Variants in TAF2 observed in about 807,000 individuals in gnomAD.
TAF2 encodes the protein TATA-box binding protein associated factor 2.
Under a neutral mutation model 138.5 loss-of-function variants are expected in TAF2, and 61 were observed. The observed-to-expected ratio is 0.44, with a 90% CI of 0.36 to 0.54. The LOEUF (loss-of-function observed/expected upper bound fraction) is 0.54, where lower values mean the gene tolerates loss of function less well. Ranked by LOEUF, TAF2 falls within the 20% of genes least tolerant of loss-of-function variation. The pLI, the probability that TAF2 is intolerant of heterozygous loss-of-function variation, is 0.00. For synonymous variants in TAF2, 475 were observed against 469.9 expected, an observed-to-expected ratio of 1.01 and a Z score of -0.14; for missense variants, 1,090 against 1,427.9, an observed-to-expected ratio of 0.76 and a Z score of 3.81.
chr8:119,825,914 G>T (rs1393257863), intron 2 of TAF2, among the ~76,000 whole-genome samples: 2 of 150,280 alleles, frequency 1.3e-5, no homozygotes, highest in Non-Finnish European at 3.0e-5. Flanking sequence ...GGATGGTCTC[G>T]ATCTCCTGAC....
chr8:119,801,714 C>T lies in TAF2; in HGVS notation c.792+80G>A. The T allele has an allele frequency of 2.2e-6, 3 of 1,381,206 alleles. No homozygotes were observed. The South Asian group carries it at 3.5e-5, about 16-fold the overall frequency. 85.6% of individuals were successfully genotyped at this position (1,381,206 alleles called of 1,614,324 possible). ...AAGTGCTGGGATTACAGGCATGAGC[C>T]ACCGTGCCTTGCCAATATCTATCTT... On this transcript the variant is annotated intron_variant, in intron 6 of 25. Transcript: ENST00000378164.
At position 119,746,373 on chromosome 8, in the gene TAF2, C is replaced by CAAAAA. The variant is rs11392436; in HGVS notation, c.3108+327_3108+331dup. ...GGGGAACAAGAGTGGAACTCTGTCT[C>CAAAAA]AAAAAAAAAAAAAAAAAAAAAAAAG... On this transcript the variant is annotated intron_variant, in intron 23 of 25. Coordinates refer to ENST00000378164, the MANE Select transcript of TAF2 (RefSeq NM_003184.4). Among the ~76,000 whole-genome samples the CAAAAA allele has an allele frequency of 5.2e-3, 282 of 54,200 alleles. 4 individuals carry two copies. Among genetic ancestry groups the CAAAAA allele is most frequent in the Non-Finnish European group, 7.2e-3 (215 of 29,670 alleles). The allele number at this position is 54,200 out of a possible 152,430, so 35.6% of individuals were successfully genotyped here.
chr8:119,794,245 A>G (rs1398164410), intron 9 of TAF2, among the ~76,000 whole-genome samples: 1 of 152,072 alleles, frequency 6.6e-6, no homozygotes, highest in Non-Finnish European at 1.5e-5. Flanking sequence ...AAAATACAAA[A>G]AATTAGCCGG....
In TAF2 at chr8:119,798,313, C is replaced by G. The variant is rs541184687; in HGVS notation, c.793-467G>C. On this transcript the variant is annotated intron_variant, in intron 6 of 25. Coordinates refer to ENST00000378164, the MANE Select transcript of TAF2 (RefSeq NM_003184.4). ...CCCCCTCTAATATTTCAATTACACA[C>G]CAAAGACTGCAGAAAAGTTTACTGG... Among the ~76,000 whole-genome samples, 4 of 152,224 alleles carry G rather than the reference C, an allele frequency of 2.6e-5. No homozygotes were observed. The East Asian group carries it at 7.7e-4, about 29-fold the overall frequency.
intron 14 of TAF2, among the ~76,000 whole-genome samples, chr8:119,785,945 A>C (rs1822984269): frequency 6.6e-6 from 1 of 152,228 alleles, no homozygotes; most frequent in South Asian, 2.1e-4. Flanking sequence ...AAAAGAAATA[A>C]GAATCTCACT....
At chr8:119,787,820 C>A (rs529487189) in intron 14 of TAF2, among the ~76,000 whole-genome samples, 2 of 152,070 alleles carry the variant, frequency 1.3e-5, no homozygotes, top group Non-Finnish European at 2.9e-5. Flanking sequence ...TCACAATAGC[C>A]AAGACTTGGA....
intron 2 of TAF2, among the ~76,000 whole-genome samples, chr8:119,826,681 C>A (rs1476008400): frequency 6.6e-6 from 1 of 152,052 alleles, no homozygotes; most frequent in Non-Finnish European, 1.5e-5. Context: ...ACCTCCACCT[C>A]CTGGGTTCAA....
chr8:119,732,221 T>C (rs1563804586), intron 25 of TAF2, 35 bp from the exon 26 acceptor site: 1 of 1,598,880 alleles, frequency 6.3e-7, no homozygotes. Flanking sequence ...GAATTCCTGC[T>C]GATGATACGG....
intron 18 of TAF2, among the ~76,000 whole-genome samples, chr8:119,774,154 G>C (rs1435988619): frequency 6.6e-6 from 1 of 151,534 alleles, no homozygotes; most frequent in African/African-American, 2.4e-5. Flanking sequence ...CTGGGGGACA[G>C]AGCGAGACTC....
At chr8:119,774,220 C>G (rs1416513333) in intron 18 of TAF2, among the ~76,000 whole-genome samples, 1 of 151,962 alleles carries the variant, frequency 6.6e-6, no homozygotes, top group Non-Finnish European at 1.5e-5. Context: ...ACAGATTAAG[C>G]ACCTGGAAAG....
At chr8:119,831,758 T>A (rs1479126487) in intron 1 of TAF2, 27 bp from the exon 2 acceptor site, 1 of 1,433,752 alleles carries the variant, frequency 7.0e-7, no homozygotes, top group South Asian at 1.4e-5. Context: ...AAAAAGAAAA[T>A]AAGGAAAAAA....
Position 119,817,327 on chromosome 8 carries a change from G to C in TAF2, c.299+2019C>G, listed in dbSNP as rs115215750. Among the ~76,000 whole-genome samples the C allele has an allele frequency of 7.5e-3, 1,146 of 152,246 alleles. 17 individuals are homozygous for C. Among genetic ancestry groups the C allele is most frequent in the African/African-American group, 0.026 (1,086 of 41,544 alleles). ...ACCTTCTGAGCTTTGCCTCCTGTCAGATCACCAGCAGCACTAGATTCTCAT... is the reference window on the plus strand; with the variant it reads ...ACCTTCTGAGCTTTGCCTCCTGTCACATCACCAGCAGCACTAGATTCTCAT... On this transcript the variant is annotated intron_variant, in intron 3 of 25. Transcript: ENST00000378164.
chr8:119,819,409 TC>T lies in TAF2; in HGVS notation c.235del (p.Asp79IlefsTer2). ...ATTATAAATAAAAGCAGCCTCTAAA[TC>T]ATTGATCCTTACTCGGTATATTCTA... ...QCRIYRVRIN[D>X]LEAAFIYNDP... On this transcript the variant is annotated frameshift_variant, in exon 3 of 26. Transcript: ENST00000378164. LOFTEE classifies it high-confidence loss of function. The T allele has an allele frequency of 6.2e-7, 1 of 1,612,984 alleles. No individual in the cohort carries two copies. The highest frequency in any genetic ancestry group is 8.5e-7 in the Non-Finnish European group (1 of 1,179,664).
intron 22 of TAF2, 139 bp from the exon 23 acceptor site, chr8:119,747,073 T>C (rs1820028963): frequency 8.1e-6 from 7 of 866,384 alleles, no homozygotes; most frequent in Middle Eastern, 3.2e-4. Context: ...AAATGAATAC[T>C]AGACATCAAC....
chr8:119,737,946 A>G (rs1405426278), intron 25 of TAF2, among the ~76,000 whole-genome samples: 1 of 152,096 alleles, frequency 6.6e-6, no homozygotes, highest in Admixed American at 6.6e-5. Flanking sequence ...ACACATACAC[A>G]AATATGTTAA....
intron 9 of TAF2, among the ~76,000 whole-genome samples, chr8:119,794,878 G>T (rs1823711868): frequency 6.6e-6 from 1 of 152,114 alleles, no homozygotes; most frequent in South Asian, 2.1e-4. Context: ...AGAATACGGG[G>T]AAGATGATAA....
intron 19 of TAF2, among the ~76,000 whole-genome samples, 183 bp from the exon 20 acceptor site, chr8:119,760,921 A>T (rs1428201176): frequency 6.6e-6 from 1 of 152,250 alleles, no homozygotes; most frequent in Non-Finnish European, 1.5e-5. Flanking sequence ...GATGAACTGC[A>T]TATACAATGG....
intron 25 of TAF2, among the ~76,000 whole-genome samples, chr8:119,741,671 A>G (rs1819609100): frequency 6.6e-6 from 1 of 152,264 alleles, no homozygotes; most frequent in African/African-American, 2.4e-5. Flanking sequence ...TCTCAAAGCA[A>G]TAAACAGCAC....
chr8:119,789,573 C>G lies in TAF2; in HGVS notation c.1568+19G>C. 1 of 1,612,478 alleles carries G rather than the reference C, an allele frequency of 6.2e-7. No individual in the cohort carries two copies. Among genetic ancestry groups the G allele is most frequent in the East Asian group, 2.2e-5 (1 of 44,746 alleles). ...TTATTCCCTTCCCCACTCTGTTGAA[C>G]TGCTATTGAAAAGGATACACCCACT... On this transcript the variant is annotated intron_variant, in intron 12 of 25. Transcript: ENST00000378164.
Sources: allele counts gnomAD v4.1 joint callset (sites outside exome capture counted in the v4.1 genomes callset), GRCh38; gene constraint gnomAD v4.1.1; transcripts MANE v1.5; gene names NCBI Gene and HGNC (gene_info 2026-07-23, HGNC 2026-07-21).